Variants in RFESD observed in about 807,000 individuals in gnomAD.
The protein encoded by RFESD is Rieske Fe-S domain containing, also known as Rieske domain-containing protein.
In RFESD, 16 loss-of-function variants were observed where a neutral mutation model predicts 24.4. That is an observed-to-expected ratio of 0.66 (90% CI 0.44 to 1.00). RFESD has a LOEUF of 1.00. Among genes scored for constraint, RFESD ranks in the 50% least tolerant of loss-of-function variants. The pLI is 0.00. For missense variants in RFESD, 208 were observed against 247.0 expected (o/e 0.84, Z 1.06); for synonymous variants, 59 against 81.8 (o/e 0.72, Z 1.50).
chr5:95,652,307 T>C lies in RFESD; in HGVS notation c.36T>C (p.Ser12=), dbSNP rs1416382502. 3 of 1,550,576 alleles carry C rather than the reference T, an allele frequency of 1.9e-6. No individual in the cohort carries two copies. The highest frequency in any genetic ancestry group is 1.2e-5 in the South Asian group (1 of 83,894). ...GTTTCAGGAATTGTCTTAGACCTTC[T>C]TCCTTATCTACACTTCCTCTCCAAG... ...LKCFRNCLRP[S]SLSTLPLQYG... The change falls in exon 2 of 6, where the codon TCT becomes TCC. Residue 12 remains serine (S), a synonymous_variant. Coordinates refer to ENST00000380005, the MANE Select transcript of RFESD (RefSeq NM_001131066.2).
rs1228642628 is a variant in RFESD, at chr5:95,652,227, T to C, written c.-45T>C. The C allele has an allele frequency of 1.9e-6, 3 of 1,539,852 alleles. No individual in the cohort carries two copies. Among genetic ancestry groups the C allele is most frequent in the South Asian group, 1.2e-5 (1 of 81,822 alleles). ...TTGATTAGCAATAGATTGGACACTC[T>C]ACTGATCTTGCCTCTCTACAACCTC... On this transcript the variant is annotated 5_prime_UTR_variant, in exon 2 of 6. Transcript: ENST00000380005.
rs1460282915 is a variant in RFESD at position 95,647,675 on chromosome 5, CAAATAT to C, written c.-136+865_-136+870del. ...TTTAATTCAGGACCATCTTTGGTGACAAATATAAATATCAATACTATATATATCACC... is the reference window on the plus strand; with the variant it reads ...TTTAATTCAGGACCATCTTTGGTGACAAATATCAATACTATATATATCACC... On this transcript the variant is annotated intron_variant, in intron 1 of 5. Transcript: ENST00000380005. 3.3e-5 allele frequency: 5 copies of C among 151,780 alleles called. No individual in the cohort carries two copies. The East Asian group carries it at 7.8e-4, about 24-fold the overall frequency. 9.4% of individuals were successfully genotyped at this position (151,780 alleles called of 1,614,324 possible).
intron 1 of RFESD, among the ~76,000 whole-genome samples, chr5:95,649,816 C>T (rs1180481627): frequency 6.6e-6 from 1 of 152,156 alleles, no homozygotes; most frequent in Non-Finnish European, 1.5e-5. Flanking sequence ...AGGAGTTCTT[C>T]ACATATTCTG....
chr5:95,652,584 G>C (rs1055526897), intron 2 of RFESD: 1 of 376,460 alleles, frequency 2.7e-6, no homozygotes, highest in African/African-American at 2.1e-5. Context: ...CCTAAAACTT[G>C]GGAGTCATCT....
chr5:95,656,333 ATGT>A lies in RFESD; in HGVS notation c.*28_*30del, dbSNP rs1561389581. The A allele has an allele frequency of 6.4e-6, 10 of 1,557,088 alleles. No individual in the cohort carries two copies. The highest frequency in any genetic ancestry group is 2.2e-5 in the East Asian group (1 of 44,542). The stretch of plus-strand genomic sequence containing the variant: ...GATAAAAAATATATAGAAATGAAAA[ATGT>A]TGTGTATGCTTGAAAACATTTTTAG... On this transcript the variant is annotated 3_prime_UTR_variant, in exon 6 of 6. Coordinates refer to ENST00000380005, the MANE Select transcript of RFESD (RefSeq NM_001131066.2).
At chr5:95,649,122 GA>G (rs1750215424) in intron 1 of RFESD, among the ~76,000 whole-genome samples, 1 of 139,332 alleles carries the variant, frequency 7.2e-6, no homozygotes, top group South Asian at 2.3e-4. Context: ...ATCTTGAAAA[GA>G]ATAATTTTAA....
chr5:95,647,263 C>T (rs1476217289), intron 1 of RFESD: 2 of 152,262 alleles, frequency 1.3e-5, no homozygotes, highest in Non-Finnish European at 2.9e-5. Context: ...AAATGTTAAA[C>T]ACAACTTGAA....
At position 95,656,209 on chromosome 5, in the gene RFESD, A is replaced by T; in HGVS notation, c.533A>T (p.Asp178Val). 4 of 1,614,038 alleles carry T rather than the reference A, an allele frequency of 2.5e-6. No homozygotes were observed. The highest frequency in any genetic ancestry group is 3.4e-6 in the Non-Finnish European group (4 of 1,179,892). ...IKQRIHTVTVDNGNIYVTLSN... is the reference protein window; with the variant it reads ...IKQRIHTVTVVNGNIYVTLSN... ...CAAAGGATTCACACAGTGACAGTAG[A>T]CAACGGAAATATTTATGTGACTCTT... Residue 178 changes from aspartate (D) to valine (V), a missense_variant, in exon 6 of 6, where the codon GAC becomes GTC. Asp to Val is a radical substitution (Grantham distance 152, BLOSUM62 -3). Coordinates refer to ENST00000380005, the MANE Select transcript of RFESD (RefSeq NM_001131066.2).
rs767559079 is a variant in RFESD at position 95,654,349 on chromosome 5, A to T, written c.351A>T (p.Leu117Phe). Residue 117 changes from leucine to phenylalanine, a missense_variant, in exon 5 of 6, where the codon TTA becomes TTT. Leu to Phe is a conservative substitution (Grantham distance 22, BLOSUM62 0). Transcript: ENST00000380005. Reference protein sequence around the residue: ...DIRCYHSGGPLHLGDIEDFDG... With the variant: ...DIRCYHSGGPFHLGDIEDFDG... ...CCTTTTCAGACTCAGGAGGACCTTT[A>T]CATTTGGGAGATATAGAGGTATGTA... is the stretch of plus-strand genomic sequence containing the variant. 2 of 1,607,166 alleles carry T rather than the reference A, an allele frequency of 1.2e-6. No homozygotes were observed. The highest frequency in any genetic ancestry group is 2.2e-5 in the East Asian group (1 of 44,774).
chr5:95,650,959 G>A (rs1487769903), intron 1 of RFESD, among the ~76,000 whole-genome samples: 4 of 152,052 alleles, frequency 2.6e-5, no homozygotes, highest in Non-Finnish European at 5.9e-5. Flanking sequence ...TTATCCGGGT[G>A]TGGTGGCGGG....
chr5:95,649,320 T>G (rs1750222202), intron 1 of RFESD, among the ~76,000 whole-genome samples: 1 of 152,212 alleles, frequency 6.6e-6, no homozygotes, highest in Non-Finnish European at 1.5e-5. Context: ...CAATTATGTT[T>G]TTTGAAATTA....
At chr5:95,651,321 C>T (rs1750326065) in intron 1 of RFESD, among the ~76,000 whole-genome samples, 1 of 152,088 alleles carries the variant, frequency 6.6e-6, no homozygotes, top group Non-Finnish European at 1.5e-5. Context: ...AAGTTGACAA[C>T]TGATTTGTAA....
intron 1 of RFESD, chr5:95,647,754 T>G (rs1750164318): frequency 6.6e-6 from 1 of 152,164 alleles, no homozygotes; most frequent in Non-Finnish European, 1.5e-5. Flanking sequence ...TTCAGGATAG[T>G]TTACTTGCAA....
In RFESD at chr5:95,656,387, T is replaced by C; in HGVS notation, c.*78T>C. Reference sequence around the variant, plus strand: ...AATAACTCTGCTTCAGTTTTAAAGGTGATGAAATTTTTCAACATAGGCACA... The same window carrying C: ...AATAACTCTGCTTCAGTTTTAAAGGCGATGAAATTTTTCAACATAGGCACA... On this transcript the variant is annotated 3_prime_UTR_variant, in exon 6 of 6. Coordinates refer to ENST00000380005, the MANE Select transcript of RFESD (RefSeq NM_001131066.2). 8.0e-7 allele frequency: 1 copy of C among 1,249,174 alleles called. No individual in the cohort carries two copies. The highest frequency in any genetic ancestry group is 1.1e-6 in the Non-Finnish European group (1 of 901,726). 77.4% of individuals were successfully genotyped at this position (1,249,174 alleles called of 1,614,324 possible). A position where few individuals can be genotyped will look rare whatever the true frequency, so the allele number is the denominator to read the frequency against.
At chr5:95,653,772 C>T (rs1430945514) in intron 3 of RFESD, among the ~76,000 whole-genome samples, 4 of 152,072 alleles carry the variant, frequency 2.6e-5, no homozygotes, top group South Asian at 2.1e-4. Context: ...GTGGTGGGCT[C>T]CTGTAATCGC....
At chr5:95,647,158 C>A (rs1238304733) in intron 1 of RFESD, 2 of 152,220 alleles carry the variant, frequency 1.3e-5, no homozygotes, top group African/African-American at 2.4e-5. Context: ...CAGCCCCGGC[C>A]GTCCTGGAGA....
intron 5 of RFESD, among the ~76,000 whole-genome samples, chr5:95,655,785 C>A (rs1315394913): frequency 6.6e-6 from 1 of 152,192 alleles, no homozygotes; most frequent in Non-Finnish European, 1.5e-5. Context: ...TAGATAACAG[C>A]ACAGCTGCAG....
At chr5:95,655,398 C>G (rs1580268626) in intron 5 of RFESD, 1 of 152,212 alleles carries the variant, frequency 6.6e-6, no homozygotes, top group Non-Finnish European at 1.5e-5. Flanking sequence ...GCTTGAAGAC[C>G]TTGCTCCTCA....
At chr5:95,646,901 C>G (rs1750122355) in intron 1 of RFESD, 84 bp downstream of exon 1, 1 of 152,394 alleles carries the variant, frequency 6.6e-6, no homozygotes, top group Non-Finnish European at 1.5e-5. Context: ...CTCCTCATTC[C>G]GGCTGTGGCC....
Sources: allele counts gnomAD v4.1 joint callset (sites outside exome capture counted in the v4.1 genomes callset), GRCh38; gene constraint gnomAD v4.1.1; transcripts MANE v1.5; gene names NCBI Gene and HGNC (gene_info 2026-07-23, HGNC 2026-07-21).